ADAMTSL2: variants seen among roughly 807,000 people sequenced by gnomAD.
ADAMTSL2 encodes ADAMTS-like protein 2.
ADAMTSL2 carries 55 observed loss-of-function variants against 117.0 expected under a neutral mutation model. That is an observed-to-expected ratio of 0.47 (90% CI 0.38 to 0.59). ADAMTSL2 has a LOEUF of 0.59. ADAMTSL2 is among the 20% of genes least tolerant of loss of function. The probability of loss-of-function intolerance (pLI) is 0.00; values close to 1 mark genes in which losing one functional copy is unlikely to be tolerated. For synonymous variants in ADAMTSL2, 572 were observed against 566.4 expected, an observed-to-expected ratio of 1.01 and a Z score of -0.14; for missense variants, 1,182 against 1,354.5, an observed-to-expected ratio of 0.87 and a Z score of 2.00.
chr9:133,542,010 C>T (rs1830236473), intron 7 of ADAMTSL2, among the ~76,000 whole-genome samples: 2 of 152,228 alleles, frequency 1.3e-5, no homozygotes, highest in African/African-American at 4.8e-5. Flanking sequence ...GAAACCAAGG[C>T]CCAGAGTGGG....
intron 7 of ADAMTSL2, among the ~76,000 whole-genome samples, chr9:133,543,298 T>C (rs1245943177): frequency 6.6e-6 from 1 of 152,192 alleles, no homozygotes; most frequent in Non-Finnish European, 1.5e-5. Flanking sequence ...CACCCAGTGA[T>C]ATCAGGTTGG....
At chr9:133,538,979 G>A (rs1830123764) in intron 4 of ADAMTSL2, among the ~76,000 whole-genome samples, 1 of 152,224 alleles carries the variant, frequency 6.6e-6, no homozygotes, top group South Asian at 2.1e-4. Flanking sequence ...ACTGCAGGGC[G>A]TGAGGCTGGG....
At chr9:133,537,902 C>T (rs1009270578) in intron 3 of ADAMTSL2, among the ~76,000 whole-genome samples, 1 of 152,214 alleles carries the variant, frequency 6.6e-6, no homozygotes, top group East Asian at 1.9e-4. Flanking sequence ...AAGCAGAGGA[C>T]TGGCAGGAAA....
rs1188811834 is a variant in ADAMTSL2, at chr9:133,554,632, G to C, written c.1215G>C (p.Glu405Asp). The change falls in exon 10 of 19, where the codon GAG becomes GAC. Residue 405 changes from glutamate to aspartate, a missense_variant. This residue lies in a region of ADAMTSL2 where 345 missense variants were observed against 325.8 expected (regional missense o/e 1.06). Transcript: ENST00000651351. This position sits in a 1 kb window ranked among gnomAD's most constrained non-coding sequence, Gnocchi z 5.2. ...CCAGCCAGGGCCAGGAGACCAACGA[G>C]GTGTGCGAGCAGGCCGGCGGCGGGG... ...LGPSQGQETN[E>D]VCEQAGGGAC... 3.2e-6 allele frequency: 5 copies of C among 1,542,760 alleles called. No individual in the cohort carries two copies. In the African/African-American group the frequency reaches 5.5e-5, roughly 17 times the overall value.
rs1330097780 is a variant in ADAMTSL2 at position 133,575,169 on chromosome 9, C to T, written c.*305C>T. 3 of 430,724 alleles carry T rather than the reference C, an allele frequency of 7.0e-6. No homozygotes were observed. Among genetic ancestry groups the T allele is most frequent in the South Asian group, 2.3e-5 (1 of 42,656 alleles). The allele number at this position is 430,724 out of a possible 1,614,324, so 26.7% of individuals were successfully genotyped here. On this transcript the variant is annotated 3_prime_UTR_variant, in exon 19 of 19. Transcript: ENST00000651351. ...CCCCAGCCCCCCAGCAGCCCCCAGC[C>T]GAGGGGCCCAGGGCCCACAGCCAGC...
At chr9:133,541,603 A>T (rs9696313) in intron 7 of ADAMTSL2, among the ~76,000 whole-genome samples, 1 of 152,058 alleles carries the variant, frequency 6.6e-6, no homozygotes, top group Non-Finnish European at 1.5e-5. Flanking sequence ...CCACACTTTA[A>T]AAAGGGAGAA....
Position 133,568,710 on chromosome 9 carries a change from C to T in ADAMTSL2, c.2196C>T (p.Cys732=). ...CCAGGCCTGTAGGGGAGAAGAACTG[C>T]ACGGGCCCGCCCTGTGACCGGCAGT... ...PNTRPVGEKN[C]TGPPCDRQWT... Residue 732 remains cysteine (C), a synonymous_variant, in exon 15 of 19, where the codon TGC becomes TGT. Coordinates refer to ENST00000651351, the MANE Select transcript of ADAMTSL2 (RefSeq NM_014694.4). 4 of 1,613,304 alleles carry T rather than the reference C, an allele frequency of 2.5e-6. No homozygotes were observed. Among genetic ancestry groups the T allele is most frequent in the South Asian group, 2.2e-5 (2 of 91,082 alleles).
At position 133,558,638 on chromosome 9, in the gene ADAMTSL2, A is replaced by C. The variant is rs1043487977; in HGVS notation, c.1650-2560A>C. Among the ~76,000 whole-genome samples the C allele has an allele frequency of 6.6e-6, 1 of 152,222 alleles. No individual in the cohort carries two copies. The highest frequency in any genetic ancestry group is 1.5e-5 in the Non-Finnish European group (1 of 68,044). ...CCCGTGAGCCTGTGTCTGGCCGGGCATCTGGGCGAAGGACCCTGAGGAGTG... is the reference window on the plus strand; with the variant it reads ...CCCGTGAGCCTGTGTCTGGCCGGGCCTCTGGGCGAAGGACCCTGAGGAGTG... On this transcript the variant is annotated intron_variant, in intron 11 of 18. Coordinates refer to ENST00000651351, the MANE Select transcript of ADAMTSL2 (RefSeq NM_014694.4). The surrounding 1 kb of genome is among the most constrained non-coding windows in gnomAD (Gnocchi z 4.3).
chr9:133,564,235 A>AGG (rs1830860351), intron 12 of ADAMTSL2, among the ~76,000 whole-genome samples: 1 of 80,722 alleles, frequency 1.2e-5, no homozygotes. Context: ...AGAGGGAGAG[A>AGG]GAGAGAGAAA....
At chr9:133,567,199 C>T in intron 13 of ADAMTSL2, 137 bp downstream of exon 13, 1 of 1,119,906 alleles carries the variant, frequency 8.9e-7, no homozygotes. Flanking sequence ...CGAGGAGGGG[C>T]ATACAGACCT....
intron 4 of ADAMTSL2, among the ~76,000 whole-genome samples, chr9:133,539,109 A>G (rs775135759): frequency 6.6e-6 from 1 of 152,076 alleles, no homozygotes; most frequent in Non-Finnish European, 1.5e-5. Flanking sequence ...GCGCACGTGC[A>G]GGGAGTGAGG....
chr9:133,565,018 C>G (rs1295173130), intron 12 of ADAMTSL2, among the ~76,000 whole-genome samples: 1 of 152,226 alleles, frequency 6.6e-6, no homozygotes, highest in African/African-American at 2.4e-5. Context: ...GGAGCCATAG[C>G]AACAGAGGAG....
intron 15 of ADAMTSL2, 30 bp downstream of exon 15, chr9:133,568,788 G>A (rs1019684115): frequency 5.2e-5 from 84 of 1,612,502 alleles, no homozygotes; most frequent in African/African-American, 4.4e-4. Context: ...GTGGCTGGGC[G>A]TGCGGCTGGT....
intron 12 of ADAMTSL2, among the ~76,000 whole-genome samples, chr9:133,562,018 C>T (rs1830741070): frequency 6.6e-6 from 1 of 152,244 alleles, no homozygotes; most frequent in East Asian, 1.9e-4. Flanking sequence ...CCAGTGCCGG[C>T]TGTGAGGTCA....
chr9:133,539,711 CA>C, intron 4 of ADAMTSL2, 59 bp from the exon 5 acceptor site: 1 of 1,487,300 alleles, frequency 6.7e-7, no homozygotes. Context: ...TTAGCCTGGA[CA>C]AAAATGCCTT....
chr9:133,538,988 G>A lies in ADAMTSL2; in HGVS notation c.309+564G>A, dbSNP rs115140745. Among the ~76,000 whole-genome samples the A allele has an allele frequency of 3.0e-3, 452 of 152,330 alleles. 2 individuals carry two copies. Among genetic ancestry groups the A allele is most frequent in the African/African-American group, 0.01 (434 of 41,574 alleles). On this transcript the variant is annotated intron_variant, in intron 4 of 18. Transcript: ENST00000651351. ...CCAAGGACTGCAGGGCGTGAGGCTG[G>A]GGCACGCCGAGCTGGGATCTGGGCC...
At chr9:133,564,625 G>GA (rs1830909549) in intron 12 of ADAMTSL2, among the ~76,000 whole-genome samples, 1 of 20,646 alleles carries the variant, frequency 4.8e-5, no homozygotes, top group African/African-American at 2.0e-4. Flanking sequence ...AGAGAGAGAG[G>GA]GAGAGAGAGA....
At position 133,568,282 on chromosome 9, in the gene ADAMTSL2, G is replaced by T; in HGVS notation, c.1884G>T (p.Thr628=). 1 of 1,566,248 alleles carries T rather than the reference G, an allele frequency of 6.4e-7. No homozygotes were observed. Among genetic ancestry groups the T allele is most frequent in the Non-Finnish European group, 8.6e-7 (1 of 1,157,062 alleles). The change falls in exon 14 of 19, where the codon ACG becomes ACT. Residue 628 remains threonine (T), a synonymous_variant. Coordinates refer to ENST00000651351, the MANE Select transcript of ADAMTSL2 (RefSeq NM_014694.4). The part of the protein sequence containing the change: ...AGRECQPRWE[T]SSWSECSRTC... ...TCCGCTCCCGGGGCAGGTGGGAGAC[G>T]AGCAGCTGGAGCGAGTGTTCGCGCA...
intron 7 of ADAMTSL2, among the ~76,000 whole-genome samples, chr9:133,543,443 G>A (rs1830272249): frequency 6.6e-6 from 1 of 152,240 alleles, no homozygotes. Context: ...GCCACAGCGG[G>A]GGTGTTTACA....
Sources: gnomAD v4.1 joint callset for allele counts (sites outside exome capture counted in the v4.1 genomes callset) on GRCh38, gnomAD v4.1.1 for gene constraint, gnomAD v4.1.1 regional missense constraint, Gnocchi (gnomAD v3.1) non-coding constraint, MANE v1.5 for transcripts, NCBI Gene and HGNC (gene_info 2026-07-23, HGNC 2026-07-21) for gene names.